The following ASXL1 variants were observed in gnomAD, a reference collection of about 807,000 sequenced individuals.
ASXL1 encodes the protein polycomb group protein ASXL1.
A neutral mutation model predicts 89.1 loss-of-function variants in ASXL1; 65 were observed. That is an observed-to-expected ratio of 0.73 (90% CI 0.60 to 0.90). The LOEUF (loss-of-function observed/expected upper bound fraction) is 0.90. Ranked by LOEUF, ASXL1 falls within the 40% of genes least tolerant of loss-of-function variation. ASXL1 has a pLI of 0.00. For missense variants in ASXL1, 1,786 were observed against 1,942.9 expected (o/e 0.92, Z 1.52); for synonymous variants, 739 against 746.9 (o/e 0.99, Z 0.17).
intron 1 of ASXL1, chr20:32,359,878 A>G (rs2048081243): frequency 7.0e-6 from 5 of 716,664 alleles, no homozygotes; most frequent in Middle Eastern, 2.3e-4. Context: ...ACCAGTAGTA[A>G]CAGGTTATAC....
chr20:32,398,799 C>T (rs544888942), intron 4 of ASXL1, among the ~76,000 whole-genome samples: 9 of 151,268 alleles, frequency 5.9e-5, no homozygotes, highest in African/African-American at 1.5e-4. Context: ...TTAGTAGAGA[C>T]GGGGTTTCAC....
intron 4 of ASXL1, among the ~76,000 whole-genome samples, chr20:32,417,709 G>A (rs1179870284): frequency 6.6e-6 from 1 of 152,012 alleles, no homozygotes; most frequent in Non-Finnish European, 1.5e-5. Context: ...TACTTTAATA[G>A]GTATGTGTAG....
intron 1 of ASXL1, among the ~76,000 whole-genome samples, chr20:32,361,289 A>G (rs540677009): frequency 1.1e-4 from 16 of 152,100 alleles, no homozygotes; most frequent in African/African-American, 2.9e-4. Context: ...GCAGTGCCCA[A>G]TGATTGATTG....
intron 4 of ASXL1, among the ~76,000 whole-genome samples, chr20:32,383,957 T>C (rs1422830501): frequency 6.6e-6 from 1 of 152,234 alleles, no homozygotes; most frequent in African/African-American, 2.4e-5. Context: ...TGAAAATCTC[T>C]TGGGCTAAAA....
intron 4 of ASXL1, among the ~76,000 whole-genome samples, chr20:32,409,114 C>T (rs780708222): frequency 3.9e-5 from 6 of 152,110 alleles, no homozygotes; most frequent in Admixed American, 1.3e-4. Flanking sequence ...GCTGGGATTA[C>T]AGGCGGGCAC....
At chr20:32,385,428 A>T (rs2048563509) in intron 4 of ASXL1, among the ~76,000 whole-genome samples, 1 of 152,182 alleles carries the variant, frequency 6.6e-6, no homozygotes, top group Non-Finnish European at 1.5e-5. Context: ...GAGCAAAAAT[A>T]TGTATAATTT....
intron 4 of ASXL1, among the ~76,000 whole-genome samples, chr20:32,422,904 A>G (rs568521700): frequency 1.3e-5 from 2 of 152,202 alleles, no homozygotes; most frequent in Admixed American, 6.5e-5. Flanking sequence ...TTTTATATGT[A>G]GGATTTAGTG....
At chr20:32,428,529 A>C (rs2011403689) in intron 6 of ASXL1, 107 bp downstream of exon 6, 2 of 1,109,478 alleles carry the variant, frequency 1.8e-6, no homozygotes, top group Admixed American at 3.6e-5. Context: ...AGAGTGAAGA[A>C]TAGAAGTCTG....
intron 4 of ASXL1, among the ~76,000 whole-genome samples, chr20:32,382,608 C>CAAAAA (rs11347237): frequency 8.3e-5 from 8 of 95,942 alleles, no homozygotes; most frequent in Non-Finnish European, 1.4e-4. Context: ...CTCGTCTCTA[C>CAAAAA]AAAAAAAAAA....
chr20:32,399,747 CTTTTTTTTTTTTTTTTTTTT>C (rs369127811), intron 4 of ASXL1, among the ~76,000 whole-genome samples: 5,667 of 74,290 alleles, frequency 0.076, 302 homozygotes, highest in Admixed American at 0.14. Flanking sequence ...ATATTTTACT[CTTTTTTTTTTTTTTTTTTTT>C]TTTTTTTTTT....
intron 4 of ASXL1, among the ~76,000 whole-genome samples, chr20:32,393,480 A>AT (rs963295603): frequency 1.1e-4 from 16 of 151,054 alleles, no homozygotes; most frequent in South Asian, 2.1e-4. Context: ...GTGATTACTG[A>AT]TTTTTTTTTG....
In ASXL1 at chr20:32,430,056, G is replaced by A. The variant is rs772451356; in HGVS notation, c.718+3G>A. 6.2e-7 allele frequency: 1 copy of A among 1,603,454 alleles called. No individual in the cohort carries two copies. Among genetic ancestry groups the A allele is most frequent in the Non-Finnish European group, 8.5e-7 (1 of 1,179,838 alleles). On this transcript the variant is annotated splice_donor_region_variant and intron_variant, in intron 8 of 12. Coordinates refer to ENST00000375687, the MANE Select transcript of ASXL1 (RefSeq NM_015338.6). ...AGGCTTCCGGAAGCCAGCCACAGGT[G>A]AGTGGCGTGGCACTTATTTCTCTGC... is the stretch of plus-strand genomic sequence containing the variant.
Position 32,435,474 on chromosome 20 carries a change from C to CT in ASXL1, c.2763dup (p.Val922CysfsTer2). The CT allele has an allele frequency of 6.2e-7, 1 of 1,614,114 alleles. No individual in the cohort carries two copies. The highest frequency in any genetic ancestry group is 8.5e-7 in the Non-Finnish European group (1 of 1,180,032). ...CCAGAATCCAGAGAACACATACCATCTGTTGAGCCCCAGGTTGGAGAGGAG... is the reference window on the plus strand; with the variant it reads ...CCAGAATCCAGAGAACACATACCATCTTGTTGAGCCCCAGGTTGGAGAGGAG... On this transcript the variant is annotated frameshift_variant, in exon 13 of 13. Transcript: ENST00000375687. LOFTEE classifies it low-confidence loss of function (END_TRUNC).
chr20:32,358,534 C>A lies in ASXL1; in HGVS notation c.-242C>A. On this transcript the variant is annotated 5_prime_UTR_variant, in exon 1 of 13. Transcript: ENST00000375687. ...GCGATCGCGGGGCAGCCGCCGCTGC[C>A]GCCGTGGGCGACTGACGCAGCGCGG... 1 of 219,760 alleles carries A rather than the reference C, an allele frequency of 4.6e-6. No homozygotes were observed. The highest frequency in any genetic ancestry group is 1.6e-4 in the South Asian group (1 of 6,148). 13.6% of individuals were successfully genotyped at this position (219,760 alleles called of 1,614,324 possible).
chr20:32,400,714 C>T (rs2048858104), intron 4 of ASXL1, among the ~76,000 whole-genome samples: 1 of 152,210 alleles, frequency 6.6e-6, no homozygotes, highest in South Asian at 2.1e-4. Context: ...CTGCCTAAGT[C>T]CTGCACTCTG....
intron 4 of ASXL1, among the ~76,000 whole-genome samples, chr20:32,405,627 G>C (rs1262373964): frequency 6.6e-6 from 1 of 152,142 alleles, no homozygotes; most frequent in East Asian, 1.9e-4. Context: ...CTTCATTCTA[G>C]AACAGTTCTT....
At chr20:32,360,741 GAACTTC>G (rs1266620809) in intron 1 of ASXL1, 1 of 168,030 alleles carries the variant, frequency 6.0e-6, no homozygotes, top group African/African-American at 2.4e-5. Context: ...ACCGTGGTCT[GAACTTC>G]AACATCGAGG....
At chr20:32,421,831 A>G (rs2049256069) in intron 4 of ASXL1, among the ~76,000 whole-genome samples, 1 of 147,152 alleles carries the variant, frequency 6.8e-6, no homozygotes, top group Admixed American at 6.8e-5. Context: ...CAGAACAATG[A>G]TTGCCTTCGT....
rs570743294 is a variant in ASXL1, at chr20:32,422,850, G to A, written c.253-5278G>A. On this transcript the variant is annotated intron_variant, in intron 4 of 12. Coordinates refer to ENST00000375687, the MANE Select transcript of ASXL1 (RefSeq NM_015338.6). ...TCCACCCGCCTTGGCCTCCCAAAGT[G>A]CTGGGATTGCAGGCATGAGCCACCG... 7.9e-5 allele frequency among the ~76,000 whole-genome samples: 12 copies of A among 152,164 alleles called. No individual in the cohort carries two copies. The East Asian group carries it at 2.3e-3, about 29-fold the overall frequency.
Sources: gnomAD v4.1 joint callset for allele counts (sites outside exome capture counted in the v4.1 genomes callset) on GRCh38, gnomAD v4.1.1 for gene constraint, MANE v1.5 for transcripts, NCBI Gene and HGNC (gene_info 2026-07-23, HGNC 2026-07-21) for gene names.